TNFSF4: variants seen among roughly 807,000 people sequenced by gnomAD.
TNFSF4 encodes the protein TNF superfamily member 4.
Under a neutral mutation model 7.3 loss-of-function variants are expected in TNFSF4, and 4 were observed. That is an observed-to-expected ratio of 0.55 (90% confidence interval 0.27 to 1.25). The LOEUF is 1.25. Ranked by LOEUF, TNFSF4 falls within the 50% of genes most tolerant of loss-of-function variation. TNFSF4 has a pLI of 0.12. For synonymous variants in TNFSF4, 76 were observed against 83.7 expected, an observed-to-expected ratio of 0.91 and a Z score of 0.50; for missense variants, 181 against 208.8, an observed-to-expected ratio of 0.87 and a Z score of 0.82.
chr1:173,263,476 A>G, the TNFSF4 span, among the ~76,000 whole-genome samples: 1 of 152,284 alleles, frequency 6.6e-6, no homozygotes, highest in African/African-American at 2.4e-5. Flanking sequence ...TTCATCACTC[A>G]CAACTCAATT....
Position 173,207,311 on chromosome 1 carries a change from G to A in TNFSF4, c.-135C>T. Reference sequence around the variant, plus strand: ...TCAGAAAATAGGCAAAGGTCCCAGGGCCAGAGATAAAAGGCGATTGAAAGA... The same window carrying A: ...TCAGAAAATAGGCAAAGGTCCCAGGACCAGAGATAAAAGGCGATTGAAAGA... On this transcript the variant is annotated 5_prime_UTR_variant, in exon 1 of 3. Transcript: ENST00000281834. The A allele has an allele frequency of 2.6e-6, 2 of 760,994 alleles. No individual in the cohort carries two copies. The highest frequency in any genetic ancestry group is 4.0e-6 in the Non-Finnish European group (2 of 499,402). The allele number at this position is 760,994 out of a possible 1,614,324, so 47.1% of individuals were successfully genotyped here. A position where few individuals can be genotyped will look rare whatever the true frequency, so the allele number is the denominator to read the frequency against.
intron 1 of TNFSF4, among the ~76,000 whole-genome samples, chr1:173,202,611 C>G (rs1042804414): frequency 6.6e-6 from 1 of 152,192 alleles, no homozygotes; most frequent in African/African-American, 2.4e-5. Context: ...ACAGACTACA[C>G]AAGAGAAGCA....
the TNFSF4 span, among the ~76,000 whole-genome samples, chr1:173,392,141 G>C: frequency 4.2e-3 from 633 of 152,248 alleles, 1 homozygote; most frequent in Middle Eastern, 0.024. Flanking sequence ...CCTCAGAGTC[G>C]AAAGGCCTGC....
intron 1 of TNFSF4, among the ~76,000 whole-genome samples, chr1:173,194,880 CAAAAAAAAAAA>C (rs11406483): frequency 5.4e-5 from 4 of 74,342 alleles, no homozygotes; most frequent in Admixed American, 5.3e-4. Flanking sequence ...GAACTTGTCT[CAAAAAAAAAAA>C]AAAAAAAAGG....
At chr1:173,342,554 C>T in the TNFSF4 span, among the ~76,000 whole-genome samples, 3 of 152,122 alleles carry the variant, frequency 2.0e-5, no homozygotes, top group Non-Finnish European at 4.4e-5. Context: ...ACATATTATC[C>T]GTTTCTCAAA....
the TNFSF4 span, among the ~76,000 whole-genome samples, chr1:173,430,235 C>T: frequency 2.6e-5 from 4 of 152,238 alleles, no homozygotes; most frequent in Non-Finnish European, 5.9e-5. Context: ...TCTTTATTTA[C>T]TCAGCCAGGC....
At chr1:173,178,023 C>T in the TNFSF4 span, among the ~76,000 whole-genome samples, 1 of 152,090 alleles carries the variant, frequency 6.6e-6, no homozygotes, top group African/African-American at 2.4e-5. Context: ...TTAGTAAGAA[C>T]AGTTTAAAAC....
chr1:173,363,179 G>C, the TNFSF4 span: 1 of 285,894 alleles, frequency 3.5e-6, no homozygotes, highest in Non-Finnish European at 7.1e-6. Flanking sequence ...CATTCATAAA[G>C]ATCCAATTTT....
At chr1:173,304,127 T>TA in the TNFSF4 span, among the ~76,000 whole-genome samples, 27 of 151,726 alleles carry the variant, frequency 1.8e-4, no homozygotes, top group African/African-American at 3.1e-4. Context: ...TCTGTGTATG[T>TA]AAAAAAAACC....
At chr1:173,289,589 G>C in the TNFSF4 span, among the ~76,000 whole-genome samples, 10 of 152,110 alleles carry the variant, frequency 6.6e-5, no homozygotes, top group African/African-American at 2.4e-4. Context: ...AGGGGGAAAA[G>C]TCAGTAAAAT....
chr1:173,329,393 C>T, the TNFSF4 span, among the ~76,000 whole-genome samples: 3 of 152,138 alleles, frequency 2.0e-5, no homozygotes, highest in Admixed American at 6.5e-5. Context: ...GAAAAATAGC[C>T]TGTACATGTT....
chr1:173,265,593 C>G, the TNFSF4 span, among the ~76,000 whole-genome samples: 1 of 152,064 alleles, frequency 6.6e-6, no homozygotes, highest in South Asian at 2.1e-4. Flanking sequence ...TTTTTGGTCC[C>G]TTCAGCAATC....
chr1:173,343,031 C>G, the TNFSF4 span, among the ~76,000 whole-genome samples: 2 of 152,204 alleles, frequency 1.3e-5, no homozygotes, highest in Non-Finnish European at 2.9e-5. Flanking sequence ...CAGAAGGAAT[C>G]AGACCAAATT....
chr1:173,263,096 A>G, the TNFSF4 span, among the ~76,000 whole-genome samples: 1 of 152,216 alleles, frequency 6.6e-6, no homozygotes, highest in Non-Finnish European at 1.5e-5. Context: ...AGATCTCTTC[A>G]AGGACAAGTA....
the TNFSF4 span, among the ~76,000 whole-genome samples, chr1:173,245,250 C>T: frequency 6.6e-6 from 1 of 152,114 alleles, no homozygotes. Flanking sequence ...AATAAAGATA[C>T]TCATCTGTGG....
At chr1:173,293,820 C>T in the TNFSF4 span, among the ~76,000 whole-genome samples, 1 of 151,800 alleles carries the variant, frequency 6.6e-6, no homozygotes, top group Non-Finnish European at 1.5e-5. Context: ...GAATGGACAC[C>T]TCTCAAAAAA....
At chr1:173,234,726 T>C in the TNFSF4 span, among the ~76,000 whole-genome samples, 1 of 152,028 alleles carries the variant, frequency 6.6e-6, no homozygotes, top group African/African-American at 2.4e-5. Context: ...TTCTCACTCA[T>C]AGGTGGGAAT....
At chr1:173,262,932 G>C in the TNFSF4 span, among the ~76,000 whole-genome samples, 1 of 151,986 alleles carries the variant, frequency 6.6e-6, no homozygotes, top group East Asian at 1.9e-4. Context: ...AAACAACTTC[G>C]GCAACATCTC....
chr1:173,443,963 T>C, the TNFSF4 span, among the ~76,000 whole-genome samples: 2 of 152,166 alleles, frequency 1.3e-5, no homozygotes, highest in East Asian at 1.9e-4. Context: ...CATTAGCCTA[T>C]AGTCTTTGTT....
Sources: allele counts gnomAD v4.1 joint callset (sites outside exome capture counted in the v4.1 genomes callset), GRCh38; gene constraint gnomAD v4.1.1; transcripts MANE v1.5; gene names NCBI Gene and HGNC (gene_info 2026-07-23, HGNC 2026-07-21).